PLEKHG1: variants seen among roughly 807,000 people sequenced by gnomAD.
PLEKHG1 encodes the protein pleckstrin homology and RhoGEF domain containing G1, also known as pleckstrin homology domain-containing family G member 1.
In PLEKHG1, 44 loss-of-function variants were observed where a neutral mutation model predicts 100.8. That is an observed-to-expected ratio of 0.44 (90% CI 0.34 to 0.56). The LOEUF (loss-of-function observed/expected upper bound fraction) is 0.56. Among genes scored for constraint, PLEKHG1 ranks in the 20% least tolerant of loss-of-function variants. PLEKHG1 has a pLI of 0.01. For missense variants in PLEKHG1, 1,545 were observed against 1,720.9 expected (o/e 0.90, Z 1.81); for synonymous variants, 640 against 662.5 (o/e 0.97, Z 0.52).
chr6:150,716,063 G>T (rs1197274677), intron 3 of PLEKHG1, among the ~76,000 whole-genome samples: 2 of 147,522 alleles, frequency 1.4e-5, no homozygotes, highest in Non-Finnish European at 3.0e-5. Context: ...AGCCGAGATC[G>T]CGCCACTGCA....
chr6:150,614,323 G>A (rs1776971639), intron 1 of PLEKHG1, among the ~76,000 whole-genome samples: 1 of 152,168 alleles, frequency 6.6e-6, no homozygotes, highest in South Asian at 2.1e-4. Context: ...AGGTCACGTA[G>A]TTCACACTCA....
chr6:150,617,951 C>T (rs1777137673), intron 1 of PLEKHG1, among the ~76,000 whole-genome samples: 1 of 152,146 alleles, frequency 6.6e-6, no homozygotes, highest in Non-Finnish European at 1.5e-5. Context: ...TAACAACCTA[C>T]TGGAATGGAG....
intron 4 of PLEKHG1, among the ~76,000 whole-genome samples, chr6:150,790,369 A>G (rs1785897960): frequency 1.3e-5 from 2 of 152,196 alleles, no homozygotes; most frequent in African/African-American, 4.8e-5. Flanking sequence ...AAAGTTGACA[A>G]CTAATTTAGA....
chr6:150,795,977 T>C (rs1380403317), intron 5 of PLEKHG1, 75 bp downstream of exon 6: 6 of 919,858 alleles, frequency 6.5e-6, no homozygotes, highest in East Asian at 4.8e-5. Flanking sequence ...GCAGTACACA[T>C]GGTTGTTAGG....
chr6:150,647,808 T>A (rs1778565310), intron 2 of PLEKHG1, among the ~76,000 whole-genome samples: 1 of 152,118 alleles, frequency 6.6e-6, no homozygotes, highest in African/African-American at 2.4e-5. Context: ...TTTTAAAAAA[T>A]CCTATTTTGA....
intron 3 of PLEKHG1, among the ~76,000 whole-genome samples, chr6:150,706,437 A>G (rs1274979708): frequency 1.4e-5 from 2 of 143,100 alleles, no homozygotes; most frequent in African/African-American, 2.5e-5. Context: ...ACATAGGGAA[A>G]CCCCATCTCC....
intron 3 of PLEKHG1, among the ~76,000 whole-genome samples, chr6:150,669,549 A>G (rs1420716538): frequency 6.7e-6 from 1 of 148,894 alleles, no homozygotes; most frequent in Non-Finnish European, 1.5e-5. Flanking sequence ...GGAACTGTGT[A>G]TTTAGTCCTT....
chr6:150,840,718 C>T lies in PLEKHG1; in HGVS notation c.3980C>T (p.Pro1327Leu), dbSNP rs553233665. 26 of 1,614,090 alleles carry T rather than the reference C, an allele frequency of 1.6e-5. No homozygotes were observed. The highest frequency in any genetic ancestry group is 9.3e-5 in the African/African-American group (7 of 75,018). Residue 1327 changes from proline (P) to leucine (L), a missense_variant, in exon 16 of 16, where the codon CCG becomes CTG. Pro to Leu is a moderately conservative substitution (Grantham distance 98, BLOSUM62 -3). Coordinates refer to ENST00000358517, the Ensembl canonical transcript of PLEKHG1. The stretch of plus-strand genomic sequence containing the variant: ...AACACATTGCATTCTTTGAATAGTC[C>T]GCGCACTCCAAAAAAGCCGGTTAAC...
At chr6:150,794,625 C>G (rs1217018936) in intron 4 of PLEKHG1, among the ~76,000 whole-genome samples, 2 of 152,086 alleles carry the variant, frequency 1.3e-5, no homozygotes, top group Non-Finnish European at 2.9e-5. Context: ...CGAGGTTGCG[C>G]CACTGCACTG....
chr6:150,730,061 A>G (rs550586614), intron 1 of PLEKHG1, among the ~76,000 whole-genome samples: 2 of 152,330 alleles, frequency 1.3e-5, no homozygotes, highest in East Asian at 3.9e-4. Flanking sequence ...TGATGATAAG[A>G]AAATAATGTG....
Position 150,733,569 on chromosome 6 carries a change from C to T in PLEKHG1, c.-98-15C>T. ...TTGCTTATCTTGTCCTTTTTATTTT[C>T]TTTAATGCATATAGATGGGCACCAG... is the stretch of plus-strand genomic sequence containing the variant. On this transcript the variant is annotated splice_polypyrimidine_tract_variant and intron_variant, in intron 1 of 15. Coordinates refer to ENST00000358517, the Ensembl canonical transcript of PLEKHG1. 1 of 1,583,062 alleles carries T rather than the reference C, an allele frequency of 6.3e-7. No homozygotes were observed. Among genetic ancestry groups the T allele is most frequent in the Admixed American group, 1.8e-5 (1 of 55,344 alleles).
At chr6:150,617,882 A>G (rs1479974121) in intron 1 of PLEKHG1, among the ~76,000 whole-genome samples, 1 of 152,194 alleles carries the variant, frequency 6.6e-6, no homozygotes, top group East Asian at 1.9e-4. Flanking sequence ...AAGGGGAGCA[A>G]GAATACATTG....
intron 3 of PLEKHG1, among the ~76,000 whole-genome samples, chr6:150,694,503 C>T (rs1464872106): frequency 6.6e-6 from 1 of 151,852 alleles, no homozygotes; most frequent in African/African-American, 2.4e-5. Context: ...AGTTGGAGAC[C>T]AGCCTTGTCA....
chr6:150,614,695 C>A (rs1216214808), intron 1 of PLEKHG1, among the ~76,000 whole-genome samples: 1 of 152,158 alleles, frequency 6.6e-6, no homozygotes, highest in African/African-American at 2.4e-5. Flanking sequence ...ACTCTCCCTC[C>A]CTCTCTCTCA....
intron 2 of PLEKHG1, among the ~76,000 whole-genome samples, chr6:150,744,028 C>T (rs1384759298): frequency 6.6e-6 from 1 of 152,038 alleles, no homozygotes; most frequent in Non-Finnish European, 1.5e-5. Flanking sequence ...AACTGAATGC[C>T]CTCCCTTGTA....
At chr6:150,791,509 AAAT>A (rs1464953305) in intron 4 of PLEKHG1, among the ~76,000 whole-genome samples, 1 of 152,004 alleles carries the variant, frequency 6.6e-6, no homozygotes. Flanking sequence ...TAAAAAATAA[AAAT>A]AAAAAAATTA....
At chr6:150,665,465 C>CA (rs1477434574) in intron 3 of PLEKHG1, among the ~76,000 whole-genome samples, 2 of 151,754 alleles carry the variant, frequency 1.3e-5, no homozygotes, top group Non-Finnish European at 2.9e-5. Flanking sequence ...CCTGTCTCTA[C>CA]AAAAAATACA....
At chr6:150,633,835 T>G (rs1033302618) in intron 1 of PLEKHG1, among the ~76,000 whole-genome samples, 4 of 151,682 alleles carry the variant, frequency 2.6e-5, no homozygotes, top group African/African-American at 9.7e-5. Context: ...GAGGGTGAGT[T>G]TGGATGTATG....
Position 150,665,413 on chromosome 6 carries a change from G to A in PLEKHG1, c.-99+14627G>A, listed in dbSNP as rs1460815706. ...TGGGAGGCCGAGGCAGGTAGATCAC[G>A]AGGTCAGGAGTTCAAGACCAGCCTG... is the stretch of plus-strand genomic sequence containing the variant. On this transcript the variant is annotated intron_variant, in intron 3 of 3. Transcript: ENST00000367326. 4.6e-5 allele frequency among the ~76,000 whole-genome samples: 7 copies of A among 152,108 alleles called. No individual in the cohort carries two copies. In the South Asian group the frequency reaches 6.2e-4, roughly 14 times the overall value.
Sources: gnomAD v4.1 joint callset for allele counts (sites outside exome capture counted in the v4.1 genomes callset) on GRCh38, gnomAD v4.1.1 for gene constraint, MANE v1.5 for transcripts, NCBI Gene and HGNC (gene_info 2026-07-23, HGNC 2026-07-21) for gene names.